The following DTD1 variants were observed in gnomAD, a reference collection of about 807,000 sequenced individuals.
DTD1 encodes D-aminoacyl-tRNA deacylase 1.
Under a neutral mutation model 25.6 loss-of-function variants are expected in DTD1, and 13 were observed. The ratio of observed to expected loss-of-function variants is 0.51; its 90% CI spans 0.33 to 0.81. DTD1 has a LOEUF of 0.81. DTD1 is among the 30% of genes least tolerant of loss of function. The pLI is 0.02. For synonymous variants in DTD1, 110 were observed against 103.6 expected, an observed-to-expected ratio of 1.06 and a Z score of -0.37; for missense variants, 193 against 266.4, an observed-to-expected ratio of 0.72 and a Z score of 1.92.
chr20:18,704,461 T>G (rs1050836230), intron 4 of DTD1, among the ~76,000 whole-genome samples: 1 of 151,534 alleles, frequency 6.6e-6, no homozygotes, highest in African/African-American at 2.4e-5. Flanking sequence ...GTGCAAGGGG[T>G]GGGGAAAAGA....
chr20:18,757,395 A>G (rs2061343483), intron 5 of DTD1, among the ~76,000 whole-genome samples: 1 of 152,178 alleles, frequency 6.6e-6, no homozygotes, highest in African/African-American at 2.4e-5. Context: ...TCAGTATGAT[A>G]TTAGCTGTGG....
At chr20:18,609,120 A>G (rs1014089873) in intron 3 of DTD1, among the ~76,000 whole-genome samples, 4 of 151,748 alleles carry the variant, frequency 2.6e-5, no homozygotes, top group Admixed American at 2.6e-4. Context: ...TGCTCTAGTT[A>G]CACCCTTTTG....
chr20:18,702,743 G>C (rs1435980671), intron 4 of DTD1, among the ~76,000 whole-genome samples: 1 of 35,534 alleles, frequency 2.8e-5, no homozygotes, highest in Admixed American at 2.6e-4. Flanking sequence ...CTGGAATGAG[G>C]CAAAAAAAAA....
At chr20:18,692,983 T>G (rs763476787) in intron 4 of DTD1, among the ~76,000 whole-genome samples, 7 of 140,486 alleles carry the variant, frequency 5.0e-5, no homozygotes, top group Non-Finnish European at 9.1e-5. Context: ...CTCCACCTCC[T>G]GGGTTCAAGC....
chr20:18,731,925 G>A (rs1380374839), intron 4 of DTD1, among the ~76,000 whole-genome samples: 2 of 152,044 alleles, frequency 1.3e-5, no homozygotes, highest in East Asian at 3.9e-4. Flanking sequence ...CCAGGCCTTC[G>A]CTCCAGTGCC....
chr20:18,689,997 G>GT (rs1280622281), intron 4 of DTD1, among the ~76,000 whole-genome samples: 1 of 150,900 alleles, frequency 6.6e-6, no homozygotes. Context: ...TAAGCCAGGC[G>GT]TGGTGGTGTG....
rs1465025024 is a variant in DTD1, at chr20:18,749,176, T to C, written c.*19+4905T>C. Among the ~76,000 whole-genome samples, 1 of 151,754 alleles carries C rather than the reference T, an allele frequency of 6.6e-6. No homozygotes were observed. Among genetic ancestry groups the C allele is most frequent in the African/African-American group, 2.4e-5 (1 of 41,288 alleles). On this transcript the variant is annotated intron_variant, in intron 5 of 5. Transcript: ENST00000377452. The surrounding 1 kb of genome is among the most constrained non-coding windows in gnomAD (Gnocchi z 4.2). ...GGCTGGGATCCTTGGAGTGGGGGAA[T>C]GGGGGTTGGGTTGCAGGAAACTTGG...
intron 5 of DTD1, among the ~76,000 whole-genome samples, chr20:18,751,425 ATCAT>A (rs911436862): frequency 1.3e-5 from 2 of 152,166 alleles, no homozygotes; most frequent in African/African-American, 4.8e-5. Context: ...TGACATTGCT[ATCAT>A]TCATTTCACT....
At chr20:18,741,079 A>G (rs1023708537) in intron 4 of DTD1, among the ~76,000 whole-genome samples, 1 of 152,222 alleles carries the variant, frequency 6.6e-6, no homozygotes, top group African/African-American at 2.4e-5. Context: ...TGCTGCATGA[A>G]CTGTTTGTTA....
At chr20:18,633,346 C>A (rs373888068) in intron 4 of DTD1, among the ~76,000 whole-genome samples, 5 of 152,292 alleles carry the variant, frequency 3.3e-5, no homozygotes, top group African/African-American at 1.2e-4. Context: ...GGGTCTCCCC[C>A]TCCTTCTCCA....
intron 5 of DTD1, among the ~76,000 whole-genome samples, chr20:18,748,751 T>G (rs2061310321): frequency 6.6e-6 from 1 of 152,230 alleles, no homozygotes; most frequent in East Asian, 1.9e-4. Context: ...TATCTACTTC[T>G]TGCTTCTCTC....
intron 4 of DTD1, chr20:18,643,293 A>G: frequency 3.0e-6 from 1 of 336,882 alleles, no homozygotes; most frequent in African/African-American, 2.2e-5. Flanking sequence ...CCTTGTTGAG[A>G]GTGCGTAGTT....
intron 5 of DTD1, among the ~76,000 whole-genome samples, chr20:18,755,568 G>C (rs1273776059): frequency 1.3e-5 from 2 of 152,130 alleles, no homozygotes; most frequent in African/African-American, 4.8e-5. Context: ...ATGGTTTCCA[G>C]CTTCATCCGT....
At chr20:18,704,877 C>A (rs942477321) in intron 4 of DTD1, among the ~76,000 whole-genome samples, 2 of 152,158 alleles carry the variant, frequency 1.3e-5, no homozygotes, top group Non-Finnish European at 2.9e-5. Flanking sequence ...CGGAAGCATA[C>A]AGGTTCCTAT....
chr20:18,720,690 C>T (rs6045569), intron 4 of DTD1, among the ~76,000 whole-genome samples: 21,861 of 151,604 alleles, frequency 0.14, 1,686 homozygotes, highest in Admixed American at 0.2. Context: ...TCCCTCTCTA[C>T]AAAAAAAACA....
chr20:18,636,531 G>A (rs1176982981), intron 4 of DTD1, among the ~76,000 whole-genome samples: 6 of 152,202 alleles, frequency 3.9e-5, no homozygotes, highest in Admixed American at 2.0e-4. Context: ...CTACACAGAG[G>A]TGTTTGCCAG....
chr20:18,616,602 G>A (rs6045510), intron 3 of DTD1, among the ~76,000 whole-genome samples: 77,409 of 151,612 alleles, frequency 0.51, 20,130 homozygotes, highest in Middle Eastern at 0.56. Flanking sequence ...AGCCTGGGCA[G>A]CATAGCAAGA....
At chr20:18,708,939 C>T (rs1225513792) in intron 4 of DTD1, among the ~76,000 whole-genome samples, 1 of 152,148 alleles carries the variant, frequency 6.6e-6, no homozygotes, top group Non-Finnish European at 1.5e-5. Flanking sequence ...GATGGGTTTG[C>T]AGTGCAAATA....
intron 1 of DTD1, 23 bp from the exon 2 acceptor site, chr20:18,593,708 T>C: frequency 6.3e-7 from 1 of 1,596,738 alleles, no homozygotes; most frequent in South Asian, 1.1e-5. Flanking sequence ...TGAGTTCTTC[T>C]CTCCCTTTTG....
Sources: allele counts gnomAD v4.1 joint callset (sites outside exome capture counted in the v4.1 genomes callset), GRCh38; gene constraint gnomAD v4.1.1; non-coding constraint Gnocchi (gnomAD v3.1); transcripts MANE v1.5; gene names NCBI Gene and HGNC (gene_info 2026-07-23, HGNC 2026-07-21).